Variants in SNX29 observed in about 807,000 individuals in gnomAD.
SNX29 encodes sorting nexin-29.
SNX29 carries 78 observed loss-of-function variants against 102.1 expected under a neutral mutation model. That is an observed-to-expected ratio of 0.76 (90% CI 0.64 to 0.92). The LOEUF is 0.92. SNX29 is among the 40% of genes least tolerant of loss of function. SNX29 has a pLI of 0.00. For synonymous variants in SNX29, 580 were observed against 414.5 expected (o/e 1.40, Z -4.85); for missense variants, 1,280 against 1,061.7 (o/e 1.21, Z -2.86).
intron 18 of SNX29, among the ~76,000 whole-genome samples, chr16:12,472,658 G>A (rs1370316571): frequency 6.6e-6 from 1 of 151,972 alleles, no homozygotes; most frequent in African/African-American, 2.4e-5. Context: ...CACTCTGGTA[G>A]ACGCTCTTCA....
At chr16:12,288,771 A>G (rs1293772138) in intron 15 of SNX29, among the ~76,000 whole-genome samples, 1 of 152,010 alleles carries the variant, frequency 6.6e-6, no homozygotes, top group Non-Finnish European at 1.5e-5. Flanking sequence ...TAATTGCATT[A>G]CATGGACTGT....
In SNX29 at chr16:12,570,556, G is replaced by C. The variant is rs1035850193; in HGVS notation, c.*1927G>C. 4.3e-6 allele frequency: 1 copy of C among 232,366 alleles called. No individual in the cohort carries two copies. Among genetic ancestry groups the C allele is most frequent in the African/African-American group, 2.2e-5 (1 of 45,306 alleles). 14.4% of individuals were successfully genotyped at this position (232,366 alleles called of 1,614,324 possible). A position where few individuals can be genotyped will look rare whatever the true frequency, so the allele number is the denominator to read the frequency against. The stretch of plus-strand genomic sequence containing the variant: ...AGTAGGTGTTTGATGCCAGCTCAGA[G>C]ACTGTCTCAGGAGTGCCTCCCTGGC... On this transcript the variant is annotated 3_prime_UTR_variant, in exon 21 of 21. Transcript: ENST00000566228.
At chr16:12,472,236 G>A (rs1453080131) in intron 18 of SNX29, among the ~76,000 whole-genome samples, 1 of 151,956 alleles carries the variant, frequency 6.6e-6, no homozygotes, top group Non-Finnish European at 1.5e-5. Context: ...AAAAACAGGG[G>A]AAGGCTGGGG....
In SNX29 at chr16:12,403,230, GT is replaced by G. The variant is rs1457295122; in HGVS notation, c.1956-217del. 5.0e-3 allele frequency among the ~76,000 whole-genome samples: 752 copies of G among 150,428 alleles called. 4 individuals are homozygous for G. The highest frequency in any genetic ancestry group is 0.017 in the Middle Eastern group (5 of 292). ...TGTGTGTGTGTGTGTGTGTGTGTGT[GT>G]GTGTGTGTGTGTGTGTGTGTGTGTA... On this transcript the variant is annotated intron_variant, in intron 17 of 20. Transcript: ENST00000566228.
intron 15 of SNX29, among the ~76,000 whole-genome samples, chr16:12,291,288 C>G (rs1474592110): frequency 6.6e-6 from 1 of 152,142 alleles, no homozygotes; most frequent in Non-Finnish European, 1.5e-5. Context: ...ACAATCATGG[C>G]AGAAGGCAAG....
chr16:12,370,393 C>G (rs1487738541), intron 16 of SNX29, among the ~76,000 whole-genome samples: 1 of 152,132 alleles, frequency 6.6e-6, no homozygotes, highest in Non-Finnish European at 1.5e-5. Context: ...AAACCCATCT[C>G]TACTAAAAAT....
chr16:12,075,763 C>A (rs930855148), intron 10 of SNX29, among the ~76,000 whole-genome samples: 1 of 152,202 alleles, frequency 6.6e-6, no homozygotes, highest in African/African-American at 2.4e-5. Flanking sequence ...TGCCCTGCCC[C>A]CAGAGGTGGA....
intron 16 of SNX29, among the ~76,000 whole-genome samples, chr16:12,385,791 T>C (rs760850784): frequency 2.6e-5 from 4 of 152,210 alleles, no homozygotes; most frequent in Non-Finnish European, 5.9e-5. Context: ...AGTAACTCTG[T>C]AGGGTTTTCC....
chr16:12,053,558 A>G (rs1021842044), intron 8 of SNX29, among the ~76,000 whole-genome samples: 2 of 152,092 alleles, frequency 1.3e-5, no homozygotes, highest in African/African-American at 2.4e-5. Context: ...TAAAATGAAT[A>G]TACAGAAATG....
chr16:12,515,626 T>C (rs1171637829), intron 19 of SNX29: 1 of 486,180 alleles, frequency 2.1e-6, no homozygotes, highest in Non-Finnish European at 4.1e-6. Context: ...CCAGGTGCCT[T>C]CCTGTCCTAG....
chr16:12,409,140 G>A (rs1369728717), intron 18 of SNX29, among the ~76,000 whole-genome samples: 4 of 152,196 alleles, frequency 2.6e-5, no homozygotes, highest in Non-Finnish European at 5.9e-5. Context: ...CTTCTTACAC[G>A]GTAGGCTGTG....
chr16:12,445,362 C>T (rs28537250), intron 18 of SNX29, among the ~76,000 whole-genome samples: 33,337 of 151,910 alleles, frequency 0.22, 3,586 homozygotes, highest in South Asian at 0.32. Flanking sequence ...CGCTTCAGGG[C>T]TCCTGTATGC....
At chr16:12,515,734 G>GT (rs1204863031) in intron 19 of SNX29, 1 of 412,234 alleles carries the variant, frequency 2.4e-6, no homozygotes, top group Admixed American at 2.8e-5. Context: ...GAGGGCAGGG[G>GT]TCACATCTGT....
At chr16:12,542,296 G>C (rs1024220862) in intron 20 of SNX29, among the ~76,000 whole-genome samples, 1 of 152,156 alleles carries the variant, frequency 6.6e-6, no homozygotes, top group Non-Finnish European at 1.5e-5. Flanking sequence ...ACTTGCCCAA[G>C]ATCACAGCTA....
intron 18 of SNX29, among the ~76,000 whole-genome samples, chr16:12,441,193 T>C (rs533146483): frequency 2.3e-3 from 343 of 151,144 alleles, no homozygotes; most frequent in African/African-American, 8.1e-3. Flanking sequence ...GTTCCCGCCA[T>C]TCTCCTGACT....
intron 20 of SNX29, among the ~76,000 whole-genome samples, chr16:12,531,891 C>G (rs1247447207): frequency 6.6e-6 from 1 of 152,194 alleles, no homozygotes; most frequent in South Asian, 2.1e-4. Flanking sequence ...AAATGTATGT[C>G]TTCTCCCCTC....
At chr16:12,290,349 C>G (rs958844627) in intron 15 of SNX29, among the ~76,000 whole-genome samples, 64 of 152,166 alleles carry the variant, frequency 4.2e-4, no homozygotes, top group African/African-American at 1.3e-3. Context: ...TTTTATGAAC[C>G]CTTTCCTGTC....
intron 18 of SNX29, among the ~76,000 whole-genome samples, chr16:12,467,272 C>T (rs1400579576): frequency 1.3e-5 from 2 of 152,212 alleles, no homozygotes; most frequent in African/African-American, 4.8e-5. Context: ...TAGAGACATA[C>T]ATCTGTGTTC....
chr16:12,547,607 C>T (rs2077690510), intron 20 of SNX29, among the ~76,000 whole-genome samples: 1 of 152,076 alleles, frequency 6.6e-6, no homozygotes, highest in East Asian at 1.9e-4. Context: ...ACGAAGTCAG[C>T]CTCAGCACCA....
Sources: gnomAD v4.1 joint callset for allele counts (sites outside exome capture counted in the v4.1 genomes callset) on GRCh38, gnomAD v4.1.1 for gene constraint, MANE v1.5 for transcripts, NCBI Gene and HGNC (gene_info 2026-07-23, HGNC 2026-07-21) for gene names.